MRAS: variants seen among roughly 807,000 people sequenced by gnomAD.
MRAS encodes the protein ras-related protein M-Ras.
MRAS carries 4 observed loss-of-function variants against 20.9 expected under a neutral mutation model. That is an observed-to-expected ratio of 0.19 (90% CI 0.09 to 0.44). The LOEUF is 0.44. Ranked by LOEUF, MRAS falls within the 20% of genes least tolerant of loss-of-function variation. The pLI, the probability that MRAS is intolerant of heterozygous loss-of-function variation, is 0.99. For missense variants in MRAS, 154 were observed against 277.5 expected, an observed-to-expected ratio of 0.56 and a Z score of 3.16; for synonymous variants, 98 against 102.9, an observed-to-expected ratio of 0.95 and a Z score of 0.29.
chr3:138,351,940 C>G (rs1355360718), intron 1 of MRAS, among the ~76,000 whole-genome samples: 1 of 152,242 alleles, frequency 6.6e-6, no homozygotes, highest in Non-Finnish European at 1.5e-5. Context: ...CATCTCTGAT[C>G]TAAAGGCACG....
chr3:138,394,042 T>C (rs1223110960), intron 2 of MRAS, among the ~76,000 whole-genome samples: 1 of 151,958 alleles, frequency 6.6e-6, no homozygotes, highest in Non-Finnish European at 1.5e-5. Context: ...ACCAAATGCA[T>C]GCTGTTTCCG....
intron 2 of MRAS, among the ~76,000 whole-genome samples, chr3:138,385,495 A>AAT (rs1001180520): frequency 4.7e-5 from 7 of 149,032 alleles, no homozygotes; most frequent in Admixed American, 1.3e-4. Context: ...TGAGTTTTAA[A>AAT]ATATATATAT....
intron 3 of MRAS, 74 bp downstream of exon 3, chr3:138,397,551 C>T: frequency 2.7e-6 from 4 of 1,466,620 alleles, no homozygotes; most frequent in Non-Finnish European, 3.7e-6. Flanking sequence ...CTCTCTCTCT[C>T]TTTCTCTTTC....
intron 2 of MRAS, among the ~76,000 whole-genome samples, chr3:138,386,416 CGTGCTGCTGCA>C (rs1455587410): frequency 6.6e-6 from 1 of 152,146 alleles, no homozygotes; most frequent in East Asian, 1.9e-4. Context: ...TTTACAGGTT[CGTGCTGCTGCA>C]GTGTGTATCA....
At chr3:138,399,525 A>G (rs1458914891) in intron 4 of MRAS, among the ~76,000 whole-genome samples, 1 of 86,926 alleles carries the variant, frequency 1.2e-5, no homozygotes, top group Non-Finnish European at 2.2e-5. Flanking sequence ...CTCCTCTAAA[A>G]CAACAACTTA....
chr3:138,397,365 G>A lies in MRAS; in HGVS notation c.235G>A (p.Glu79Lys). Residue 79 changes from glutamate to lysine, a missense_variant, in exon 3 of 6, where the codon GAG becomes AAG. Glu to Lys is a moderately conservative substitution (Grantham distance 56). Transcript: ENST00000423968. The stretch of plus-strand genomic sequence containing the variant: ...GCAGGAGGAATTCAGCGCCATGCGG[G>A]AGCAATACATGCGCACGGGGGATGG... ...AGQEEFSAMREQYMRTGDGFL... is the reference protein window; with the variant it reads ...AGQEEFSAMRKQYMRTGDGFL... 6.2e-7 allele frequency: 1 copy of A among 1,614,136 alleles called. No individual in the cohort carries two copies. The highest frequency in any genetic ancestry group is 8.5e-7 in the Non-Finnish European group (1 of 1,180,000).
chr3:138,403,932 C>T lies in MRAS; in HGVS notation c.*1663C>T, dbSNP rs1372219101. On this transcript the variant is annotated 3_prime_UTR_variant, in exon 6 of 6. Coordinates refer to ENST00000423968, the MANE Select transcript of MRAS (RefSeq NM_001085049.3). ...TGCTGTGTTCCTACCTCGGCAAGAT[C>T]ACCAGCACTGAGGGGCCCAGCTGGA... 6.6e-6 allele frequency: 1 copy of T among 152,224 alleles called. No homozygotes were observed. Among genetic ancestry groups the T allele is most frequent in the Non-Finnish European group, 1.5e-5 (1 of 68,038 alleles). The allele number at this position is 152,224 out of a possible 1,614,324, so 9.4% of individuals were successfully genotyped here.
At chr3:138,393,696 C>CTTT in intron 2 of MRAS, among the ~76,000 whole-genome samples, 1 of 128,860 alleles carries the variant, frequency 7.8e-6, no homozygotes, top group Non-Finnish European at 1.7e-5. Context: ...CTGCTTTTTT[C>CTTT]TTTTTTTTTT....
At chr3:138,389,166 T>C (rs1398024756) in intron 2 of MRAS, among the ~76,000 whole-genome samples, 1 of 151,988 alleles carries the variant, frequency 6.6e-6, no homozygotes, top group Non-Finnish European at 1.5e-5. Flanking sequence ...TGAAAGTCAG[T>C]TTTTAGTGAT....
intron 1 of MRAS, among the ~76,000 whole-genome samples, chr3:138,361,877 A>G (rs1182253244): frequency 6.6e-6 from 1 of 152,194 alleles, no homozygotes; most frequent in Non-Finnish European, 1.5e-5. Flanking sequence ...GTGCTAGGAA[A>G]ATATTAATAG....
At chr3:138,358,197 C>A (rs559489986) in intron 1 of MRAS, among the ~76,000 whole-genome samples, 1 of 152,172 alleles carries the variant, frequency 6.6e-6, no homozygotes, top group East Asian at 1.9e-4. Context: ...ATTAGTGAGG[C>A]CTGGTGGCAT....
intron 1 of MRAS, among the ~76,000 whole-genome samples, chr3:138,369,347 A>G (rs1276576925): frequency 6.6e-6 from 1 of 152,170 alleles, no homozygotes; most frequent in Non-Finnish European, 1.5e-5. Context: ...GCGCAGGTGG[A>G]GGCAGTGCCT....
At chr3:138,388,997 A>G (rs1039742102) in intron 2 of MRAS, among the ~76,000 whole-genome samples, 3 of 151,930 alleles carry the variant, frequency 2.0e-5, no homozygotes, top group Non-Finnish European at 4.4e-5. Flanking sequence ...ACCCACCACC[A>G]TGCCCAGCTC....
chr3:138,391,317 C>T (rs1316518423), intron 2 of MRAS, among the ~76,000 whole-genome samples: 1 of 152,192 alleles, frequency 6.6e-6, no homozygotes, highest in Non-Finnish European at 1.5e-5. Flanking sequence ...TCCTTCAATT[C>T]TCAACTGTGA....
intron 2 of MRAS, among the ~76,000 whole-genome samples, chr3:138,391,059 G>T (rs1481351322): frequency 2.6e-5 from 4 of 151,734 alleles, no homozygotes; most frequent in African/African-American, 9.7e-5. Context: ...TTTTAAATTG[G>T]TCCTTTGAAA....
chr3:138,395,507 G>A (rs1044804599), intron 2 of MRAS, among the ~76,000 whole-genome samples: 1 of 151,814 alleles, frequency 6.6e-6, no homozygotes, highest in African/African-American at 2.4e-5. Flanking sequence ...TTGAGCCTTC[G>A]AATTTGTTGT....
intron 2 of MRAS, among the ~76,000 whole-genome samples, chr3:138,377,631 G>T (rs2054811888): frequency 6.6e-6 from 1 of 152,124 alleles, no homozygotes; most frequent in Non-Finnish European, 1.5e-5. Context: ...TGGGCATCTG[G>T]ATCCCAGGGG....
At position 138,402,234 on chromosome 3, in the gene MRAS, A is replaced by G; in HGVS notation, c.592A>G (p.Thr198Ala). 2 of 1,614,246 alleles carry G rather than the reference A, an allele frequency of 1.2e-6. No homozygotes were observed. Among genetic ancestry groups the G allele is most frequent in the Middle Eastern group, 1.6e-4 (1 of 6,062 alleles). The change falls in exon 6 of 6, where the codon ACA becomes GCA. Residue 198 changes from threonine (T) to alanine (A), a missense_variant. By Grantham distance (58) the Thr-to-Ala change is moderately conservative (BLOSUM62 0). Coordinates refer to ENST00000423968, the MANE Select transcript of MRAS (RefSeq NM_001085049.3). Reference sequence around the variant, plus strand: ...AACCAAATGGCGGGGAGACCGGGCCACAGGCACCCACAAACTGCAATGTGT... The same window carrying G: ...AACCAAATGGCGGGGAGACCGGGCCGCAGGCACCCACAAACTGCAATGTGT... ...KKTKWRGDRA[T>A]GTHKLQCVIL
chr3:138,366,099 G>A (rs2054554761), intron 1 of MRAS, among the ~76,000 whole-genome samples: 1 of 152,242 alleles, frequency 6.6e-6, no homozygotes, highest in African/African-American at 2.4e-5. Context: ...AAGTGGCCTA[G>A]ACCCCTCTGG....
Sources: allele counts gnomAD v4.1 joint callset (sites outside exome capture counted in the v4.1 genomes callset), GRCh38; gene constraint gnomAD v4.1.1; transcripts MANE v1.5; gene names NCBI Gene and HGNC (gene_info 2026-07-23, HGNC 2026-07-21).